Variants in PPP2R3C observed in about 807,000 individuals in gnomAD.
PPP2R3C encodes the protein protein phosphatase 2 regulatory subunit B''gamma.
In PPP2R3C, 47 loss-of-function variants were observed where a neutral mutation model predicts 63.7. The ratio of observed to expected loss-of-function variants is 0.74; its 90% CI spans 0.58 to 0.94. The LOEUF (loss-of-function observed/expected upper bound fraction) is 0.94. Ranked by LOEUF, PPP2R3C falls within the 40% of genes least tolerant of loss-of-function variation. The probability of loss-of-function intolerance (pLI) is 0.00; values close to 1 mark genes in which losing one functional copy is unlikely to be tolerated. For missense variants in PPP2R3C, 421 were observed against 518.4 expected, an observed-to-expected ratio of 0.81 and a Z score of 1.82; for synonymous variants, 180 against 177.4, an observed-to-expected ratio of 1.01 and a Z score of -0.12.
At chr14:35,119,353 T>TC (rs1555316773) in intron 1 of PPP2R3C, among the ~76,000 whole-genome samples, 2 of 151,714 alleles carry the variant, frequency 1.3e-5, no homozygotes, top group African/African-American at 4.8e-5. Flanking sequence ...GAATTTTTTT[T>TC]AAGACAGGGT....
intron 3 of PPP2R3C, chr14:35,110,192 C>T (rs1032829771): frequency 3.8e-5 from 17 of 441,702 alleles, no homozygotes; most frequent in Admixed American, 8.0e-5. Context: ...AGATGATAAT[C>T]GAAGCACAGA....
chr14:35,118,896 C>T (rs1401693019), intron 1 of PPP2R3C, among the ~76,000 whole-genome samples: 1 of 151,916 alleles, frequency 6.6e-6, no homozygotes, highest in Non-Finnish European at 1.5e-5. Context: ...AGGTGATCCA[C>T]CCACTTCAGC....
At chr14:35,103,866 A>T (rs540635234) in intron 6 of PPP2R3C, among the ~76,000 whole-genome samples, 57 of 152,316 alleles carry the variant, frequency 3.7e-4, no homozygotes, top group African/African-American at 1.1e-3. Flanking sequence ...ACTGCCTTTC[A>T]AATTAGTAAG....
At chr14:35,114,824 CT>C (rs954624167) in intron 2 of PPP2R3C, among the ~76,000 whole-genome samples, 4 of 152,100 alleles carry the variant, frequency 2.6e-5, no homozygotes, top group Non-Finnish European at 4.4e-5. Flanking sequence ...GAAACCCGGT[CT>C]CTACTAAAAA....
rs367795501 is a variant in PPP2R3C, at chr14:35,089,722, G to A, written c.1113+1348C>T. 1.3e-4 allele frequency among the ~76,000 whole-genome samples: 20 copies of A among 152,034 alleles called. No individual in the cohort carries two copies. The East Asian group carries it at 1.5e-3, about 12-fold the overall frequency. On this transcript the variant is annotated intron_variant, in intron 11 of 12. Coordinates refer to ENST00000261475, the MANE Select transcript of PPP2R3C (RefSeq NM_017917.4). ...GCTCTGTTACCCAGGCTGCAGTGCA[G>A]TGGCGCAATCTCGGCTCACTGCAAG...
chr14:35,091,237 G>A (rs2045805855), intron 10 of PPP2R3C, 30 bp from the exon 11 acceptor site: 1 of 1,538,484 alleles, frequency 6.5e-7, no homozygotes, highest in Admixed American at 2.1e-5. Context: ...GTTCATTAGA[G>A]GCCTTAGTTG....
chr14:35,088,645 CAG>C (rs1430571748), intron 11 of PPP2R3C, among the ~76,000 whole-genome samples: 3 of 152,176 alleles, frequency 2.0e-5, no homozygotes, highest in Non-Finnish European at 4.4e-5. Flanking sequence ...CACTAATAAT[CAG>C]AGTATCCATA....
chr14:35,094,935 CAG>C, intron 10 of PPP2R3C, 111 bp downstream of exon 10: 1 of 1,180,350 alleles, frequency 8.5e-7, no homozygotes, highest in Admixed American at 2.5e-5. Flanking sequence ...GCCTAGGCGA[CAG>C]AGCAAGACTC....
intron 12 of PPP2R3C, 72 bp downstream of exon 12, chr14:35,087,879 A>C: frequency 1.6e-6 from 2 of 1,219,458 alleles, no homozygotes; most frequent in South Asian, 2.5e-5. Flanking sequence ...TTGCTTTCAT[A>C]TAAAATTTCA....
intron 10 of PPP2R3C, among the ~76,000 whole-genome samples, chr14:35,094,421 G>A (rs2045928210): frequency 6.6e-6 from 1 of 151,578 alleles, no homozygotes; most frequent in Non-Finnish European, 1.5e-5. Flanking sequence ...CTGTGGCCTT[G>A]GCCTCCCAAA....
At chr14:35,103,874 A>G (rs1252898364) in intron 6 of PPP2R3C, among the ~76,000 whole-genome samples, 3 of 152,212 alleles carry the variant, frequency 2.0e-5, no homozygotes, top group Non-Finnish European at 4.4e-5. Flanking sequence ...TCAAATTAGT[A>G]AGACACAAAG....
rs964477910 is a variant in PPP2R3C, at chr14:35,107,749, G to A, written c.503-375C>T. On this transcript the variant is annotated intron_variant, in intron 5 of 12. Transcript: ENST00000261475. ...TCACAGATTATTATGGCACTTGTAG[G>A]AATCATAAGTCCAAGCTGTTTAATT... The A allele has an allele frequency of 1.2e-5, 4 of 346,330 alleles. No individual in the cohort carries two copies. The East Asian group carries it at 1.9e-4, about 17-fold the overall frequency. 21.5% of individuals were successfully genotyped at this position (346,330 alleles called of 1,614,324 possible).
chr14:35,093,796 TGC>T lies in PPP2R3C; in HGVS notation c.975+1250_975+1251del, dbSNP rs575150799. ...CCTCTGGAGTAGCTGGGACTACAGGTGCCCGTCACCGCACCCAGCTAATTTTT... is the reference window on the plus strand; with the variant it reads ...CCTCTGGAGTAGCTGGGACTACAGGTCCGTCACCGCACCCAGCTAATTTTT... On this transcript the variant is annotated intron_variant, in intron 10 of 12. Coordinates refer to ENST00000261475, the MANE Select transcript of PPP2R3C (RefSeq NM_017917.4). Among the ~76,000 whole-genome samples, 251 of 151,930 alleles carry T rather than the reference TGC, an allele frequency of 1.7e-3. 1 individual carries two copies. Among genetic ancestry groups the T allele is most frequent in the Non-Finnish European group, 2.1e-3 (145 of 67,990 alleles).
At chr14:35,104,223 T>TGGTAGAAAGAGATG (rs1555313863) in intron 6 of PPP2R3C, among the ~76,000 whole-genome samples, 8 of 151,930 alleles carry the variant, frequency 5.3e-5, no homozygotes, top group Non-Finnish European at 1.0e-4. Flanking sequence ...ATGTCTTCCT[T>TGGTAGAAAGAGATG]GCCAGAAGCA....
At chr14:35,107,790 T>A in intron 5 of PPP2R3C, 1 of 370,470 alleles carries the variant, frequency 2.7e-6, no homozygotes, top group Non-Finnish European at 4.7e-6. Context: ...TCCTTGAAAC[T>A]GATATTACAG....
At chr14:35,085,906 G>T in intron 12 of PPP2R3C, 128 bp from the exon 13 acceptor site, 3 of 698,774 alleles carry the variant, frequency 4.3e-6, no homozygotes, top group South Asian at 2.6e-5. Flanking sequence ...TGCCACTTGG[G>T]CTTATGTTAA....
chr14:35,094,916 T>G, intron 10 of PPP2R3C, 132 bp downstream of exon 10: 1 of 941,366 alleles, frequency 1.1e-6, no homozygotes, highest in Middle Eastern at 2.8e-4. Context: ...ATCACACCAC[T>G]GCACTCTAGC....
At chr14:35,108,747 C>A (rs574402485) in intron 4 of PPP2R3C, among the ~76,000 whole-genome samples, 2 of 151,316 alleles carry the variant, frequency 1.3e-5, no homozygotes, top group Non-Finnish European at 2.9e-5. Flanking sequence ...TGCAGCCTAG[C>A]GACAGAGCAA....
intron 5 of PPP2R3C, 104 bp from the exon 6 acceptor site, chr14:35,107,478 A>G (rs1038724225): frequency 3.0e-5 from 27 of 892,756 alleles, no homozygotes; most frequent in Admixed American, 2.7e-4. Context: ...TAGTAACTCT[A>G]AAAACATTTC....
Sources: gnomAD v4.1 joint callset for allele counts (sites outside exome capture counted in the v4.1 genomes callset) on GRCh38, gnomAD v4.1.1 for gene constraint, MANE v1.5 for transcripts, NCBI Gene and HGNC (gene_info 2026-07-23, HGNC 2026-07-21) for gene names.